The following PLEKHH2 variants were observed in gnomAD, a reference collection of about 807,000 sequenced individuals.
The protein encoded by PLEKHH2 is pleckstrin homology domain-containing family H member 2.
Under a neutral mutation model 187.9 loss-of-function variants are expected in PLEKHH2, and 129 were observed. The ratio of observed to expected loss-of-function variants is 0.69; its 90% CI spans 0.59 to 0.79. PLEKHH2 has a LOEUF of 0.79. Among genes scored for constraint, PLEKHH2 ranks in the 30% least tolerant of loss-of-function variants. The pLI is 0.00. For synonymous variants in PLEKHH2, 686 were observed against 605.6 expected (o/e 1.13, Z -1.95); for missense variants, 2,076 against 1,751.2 (o/e 1.19, Z -3.31).
chr2:43,694,808 A>C (rs1669009037), intron 5 of PLEKHH2, among the ~76,000 whole-genome samples: 1 of 152,186 alleles, frequency 6.6e-6, no homozygotes, highest in African/African-American at 2.4e-5. Context: ...ATCTCATAAA[A>C]TTAATGTATT....
chr2:43,728,477 C>CAAAA (rs1042037842), intron 17 of PLEKHH2, among the ~76,000 whole-genome samples: 1 of 56,000 alleles, frequency 1.8e-5, no homozygotes, highest in African/African-American at 6.5e-5. Flanking sequence ...GACTCTGTCT[C>CAAAA]AAAAAAAAAA....
At chr2:43,743,036 A>G (rs1423905772) in intron 22 of PLEKHH2, 118 bp downstream of exon 22, 2 of 740,298 alleles carry the variant, frequency 2.7e-6, no homozygotes, top group Non-Finnish European at 4.0e-6. Flanking sequence ...ACATGCAAAT[A>G]TATTAGATTT....
rs191901221 is a variant in PLEKHH2, at chr2:43,709,801, A to C, written c.1967-189A>C. Among the ~76,000 whole-genome samples, 67 of 152,146 alleles carry C rather than the reference A, an allele frequency of 4.4e-4. No homozygotes were observed. The East Asian group carries it at 0.011, about 26-fold the overall frequency. On this transcript the variant is annotated intron_variant, in intron 11 of 29. Transcript: ENST00000282406. ...CAGTGAGCCGAGATTGTGCCAGTGC[A>C]CTCCAGCCTGGTGACAGAGCGAGAC...
intron 19 of PLEKHH2, among the ~76,000 whole-genome samples, chr2:43,732,056 C>T (rs1671065713): frequency 1.3e-5 from 2 of 152,158 alleles, no homozygotes; most frequent in Non-Finnish European, 2.9e-5. Flanking sequence ...CAGTTACCTT[C>T]CAGTAACTCT....
chr2:43,691,940 A>T (rs1187558732), intron 3 of PLEKHH2, among the ~76,000 whole-genome samples: 1 of 152,212 alleles, frequency 6.6e-6, no homozygotes, highest in African/African-American at 2.4e-5. Flanking sequence ...TTGTTAAATG[A>T]ATGAATCAAG....
chr2:43,676,491 C>A (rs886119938), intron 2 of PLEKHH2, among the ~76,000 whole-genome samples: 2 of 151,512 alleles, frequency 1.3e-5, no homozygotes, highest in Non-Finnish European at 2.9e-5. Flanking sequence ...CGGGACGCGG[C>A]GGCCACTGCG....
intron 2 of PLEKHH2, chr2:43,675,950 T>G (rs998521749): frequency 1.9e-6 from 3 of 1,614,012 alleles, no homozygotes; most frequent in Non-Finnish European, 2.5e-6. Context: ...AAGACGTATT[T>G]GTAAGCGGTC....
intron 7 of PLEKHH2, among the ~76,000 whole-genome samples, chr2:43,698,452 T>G (rs181770541): frequency 5.1e-4 from 77 of 152,304 alleles, no homozygotes; most frequent in African/African-American, 1.7e-3. Context: ...TTCACCATGT[T>G]GCTCAGGCTG....
intron 16 of PLEKHH2, among the ~76,000 whole-genome samples, chr2:43,721,422 G>T (rs539757928): frequency 6.6e-6 from 1 of 152,148 alleles, no homozygotes; most frequent in South Asian, 2.1e-4. Context: ...GACTGTTACT[G>T]TGTTAATGAG....
At chr2:43,695,248 C>A in intron 6 of PLEKHH2, 24 bp downstream of exon 6, 1 of 1,399,256 alleles carries the variant, frequency 7.1e-7, no homozygotes, top group Non-Finnish European at 9.9e-7. Context: ...ACTAAGATAG[C>A]TTAGTTGGAT....
intron 2 of PLEKHH2, among the ~76,000 whole-genome samples, chr2:43,654,705 C>CG (rs1666660460): frequency 3.7e-5 from 1 of 27,074 alleles, no homozygotes; most frequent in Non-Finnish European, 8.2e-5. Context: ...TAGTAAGACA[C>CG]CCCCCCCCCC....
At chr2:43,696,742 C>A (rs1024318807) in intron 6 of PLEKHH2, among the ~76,000 whole-genome samples, 1 of 152,110 alleles carries the variant, frequency 6.6e-6, no homozygotes, top group Admixed American at 6.5e-5. Flanking sequence ...ATCCAAGTTT[C>A]TTTGGTTATT....
At chr2:43,723,220 G>C (rs1670569225) in intron 16 of PLEKHH2, among the ~76,000 whole-genome samples, 3 of 152,132 alleles carry the variant, frequency 2.0e-5, no homozygotes, top group Non-Finnish European at 1.5e-5. Flanking sequence ...TGCTTTTTAG[G>C]AGAGGCGAAA....
intron 5 of PLEKHH2, 33 bp from the exon 6 acceptor site, chr2:43,695,110 C>G: frequency 2.5e-6 from 3 of 1,212,500 alleles, no homozygotes; most frequent in Non-Finnish European, 3.5e-6. Context: ...AATATTATCT[C>G]TATATGAAAA....
chr2:43,732,596 C>G (rs762705680), intron 19 of PLEKHH2, among the ~76,000 whole-genome samples: 1 of 152,180 alleles, frequency 6.6e-6, no homozygotes, highest in African/African-American at 2.4e-5. Flanking sequence ...ATTCGAACAT[C>G]TCTTTCTTTA....
chr2:43,732,740 A>T (rs1671101587), intron 19 of PLEKHH2, among the ~76,000 whole-genome samples: 1 of 151,666 alleles, frequency 6.6e-6, no homozygotes, highest in Non-Finnish European at 1.5e-5. Context: ...TTCCTTCCTT[A>T]TCTAGTCTGG....
intron 16 of PLEKHH2, among the ~76,000 whole-genome samples, chr2:43,721,870 G>A (rs995845547): frequency 6.6e-6 from 1 of 152,112 alleles, no homozygotes; most frequent in African/African-American, 2.4e-5. Flanking sequence ...CTGGGTGACA[G>A]GATGAGACCC....
At chr2:43,675,555 C>A in intron 2 of PLEKHH2, 1 of 1,613,832 alleles carries the variant, frequency 6.2e-7, no homozygotes, top group Non-Finnish European at 8.5e-7. Context: ...GGTTATTAGA[C>A]AATGCCTCTT....
intron 24 of PLEKHH2, among the ~76,000 whole-genome samples, chr2:43,747,105 T>TCTCTCCCTCTCTCTCTCTCTCTCC (rs1431508001): frequency 7.0e-6 from 1 of 142,616 alleles, no homozygotes; most frequent in Non-Finnish European, 1.5e-5. Context: ...TCTCTCTCTC[T>TCTCTCCCTCTCTCTCTCTCTCTCC]CTCCCTCTCT....
Sources: allele counts gnomAD v4.1 joint callset (sites outside exome capture counted in the v4.1 genomes callset), GRCh38; gene constraint gnomAD v4.1.1; transcripts MANE v1.5; gene names NCBI Gene and HGNC (gene_info 2026-07-23, HGNC 2026-07-21).